The following DAD1 variants were observed in gnomAD, a reference collection of about 807,000 sequenced individuals.
The protein encoded by DAD1 is defender against cell death 1.
In DAD1, 4 loss-of-function variants were observed where a neutral mutation model predicts 9.0. The observed-to-expected ratio is 0.44, with a 90% CI of 0.22 to 1.01. The LOEUF (loss-of-function observed/expected upper bound fraction) is 1.01. Ranked by LOEUF, DAD1 falls within the 50% of genes least tolerant of loss-of-function variation. The pLI is 0.24. For missense variants in DAD1, 119 were observed against 137.3 expected (o/e 0.87, Z 0.67); for synonymous variants, 60 against 62.5 (o/e 0.96, Z 0.19).
chr14:22,570,726 C>T (rs1313167747), intron 2 of DAD1, among the ~76,000 whole-genome samples: 1 of 152,202 alleles, frequency 6.6e-6, no homozygotes, highest in Non-Finnish European at 1.5e-5. Flanking sequence ...CCTGTAGCCC[C>T]CTTGTTCCAG....
intron 2 of DAD1, 49 bp downstream of exon 2, chr14:22,575,010 C>A: frequency 2.0e-6 from 3 of 1,495,006 alleles, no homozygotes; most frequent in South Asian, 1.3e-5. Context: ...CATCCAATTT[C>A]TCTTCCTAAA....
intron 2 of DAD1, among the ~76,000 whole-genome samples, chr14:22,570,177 T>C (rs1232152077): frequency 1.3e-5 from 2 of 148,898 alleles, no homozygotes; most frequent in African/African-American, 5.2e-5. Flanking sequence ...AACAAAAAAT[T>C]AAAGATTATT....
chr14:22,576,308 C>T (rs765499486), intron 1 of DAD1, among the ~76,000 whole-genome samples: 1 of 151,716 alleles, frequency 6.6e-6, no homozygotes, highest in Non-Finnish European at 1.5e-5. Flanking sequence ...CAAAAACCCT[C>T]GTATACAAAA....
At position 22,588,959 on chromosome 14, in the gene DAD1, A is replaced by C; in HGVS notation, c.199T>G (p.Phe67Val). Residue 67 changes from phenylalanine to valine, a missense_variant, in exon 1 of 3, where the codon TTC becomes GTC. Transcript: ENST00000250498. ...ATAGAACCATTACCCGCTAGGATGA[A>C]ACTCCCCACACAAGAGATGAAGCCC... ...LSGFISCVGS[F>V]ILAVCLRIQI... 6.2e-7 allele frequency: 1 copy of C among 1,614,156 alleles called. No homozygotes were observed. The highest frequency in any genetic ancestry group is 8.5e-7 in the Non-Finnish European group (1 of 1,180,014).
intron 2 of DAD1, among the ~76,000 whole-genome samples, chr14:22,571,625 C>CTTTTTTTT (rs869205395): frequency 9.1e-6 from 1 of 109,828 alleles, no homozygotes. Context: ...GCAAGGGGCT[C>CTTTTTTTT]TTTTTTTTTT....
At chr14:22,575,637 T>C (rs2037071514) in intron 1 of DAD1, among the ~76,000 whole-genome samples, 1 of 152,186 alleles carries the variant, frequency 6.6e-6, no homozygotes, top group Non-Finnish European at 1.5e-5. Flanking sequence ...AATCTCCACC[T>C]GCTGGGTTCA....
intron 1 of DAD1, among the ~76,000 whole-genome samples, chr14:22,577,471 A>C (rs1190115475): frequency 6.6e-6 from 1 of 152,186 alleles, no homozygotes; most frequent in Non-Finnish European, 1.5e-5. Context: ...CCAGGCTCTC[A>C]AGCAATATTT....
At position 22,584,459 on chromosome 14, in the gene DAD1, T is replaced by C. The variant is rs75290800; in HGVS notation, c.211+4488A>G. On this transcript the variant is annotated intron_variant, in intron 1 of 2. Transcript: ENST00000250498. ...AGCCAGGCATAGTGCTGTGTGCCTATAGTCCTAGCTACTCAGGAGGCTGAG... is the reference window on the plus strand; with the variant it reads ...AGCCAGGCATAGTGCTGTGTGCCTACAGTCCTAGCTACTCAGGAGGCTGAG... 1.8e-3 allele frequency among the ~76,000 whole-genome samples: 272 copies of C among 152,182 alleles called. 3 individuals carry two copies. Among genetic ancestry groups the C allele is most frequent in the African/African-American group, 6.4e-3 (267 of 41,494 alleles).
chr14:22,575,241 A>C lies in DAD1; in HGVS notation c.212-8T>G, dbSNP rs754398599. 1 of 1,613,456 alleles carries C rather than the reference A, an allele frequency of 6.2e-7. No individual in the cohort carries two copies. The highest frequency in any genetic ancestry group is 8.5e-7 in the Non-Finnish European group (1 of 1,179,788). On this transcript the variant is annotated splice_polypyrimidine_tract_variant and splice_region_variant and intron_variant, in intron 1 of 2. Transcript: ENST00000250498. ...TCTGTATTCTCAGGCAAACTGCACA[A>C]GAAGCAAAACACAAAAAAATGATTA...
chr14:22,582,396 T>C (rs7147865), intron 1 of DAD1, among the ~76,000 whole-genome samples: 13,044 of 138,028 alleles, frequency 0.095, 1,082 homozygotes, highest in African/African-American at 0.23. Flanking sequence ...TTGTGGCGGG[T>C]GCCTGTAGTC....
chr14:22,584,507 G>GT (rs2037139380), intron 1 of DAD1, among the ~76,000 whole-genome samples: 2 of 151,962 alleles, frequency 1.3e-5, no homozygotes, highest in Non-Finnish European at 1.5e-5. Context: ...GAGCCAAGGA[G>GT]TTTGAGGCCA....
chr14:22,573,618 G>A (rs905939239), intron 2 of DAD1, among the ~76,000 whole-genome samples: 10 of 149,158 alleles, frequency 6.7e-5, no homozygotes, highest in African/African-American at 2.2e-4. Context: ...GCTGAGGCAG[G>A]AGAATGGCAT....
intron 2 of DAD1, among the ~76,000 whole-genome samples, chr14:22,569,542 C>T (rs1158113225): frequency 6.6e-6 from 1 of 152,048 alleles, no homozygotes; most frequent in African/African-American, 2.4e-5. Flanking sequence ...TGAATAGTTT[C>T]ATAACAATGT....
In DAD1 at chr14:22,579,192, C is replaced by T. The variant is rs1297203119; in HGVS notation, c.212-3959G>A. On this transcript the variant is annotated intron_variant, in intron 1 of 2. Coordinates refer to ENST00000250498, the MANE Select transcript of DAD1 (RefSeq NM_001344.4). ...AACTCTCCACTGCCACACTCCATCC[C>T]CTTGAAGATTCTAACAGTCACCATT... Among the ~76,000 whole-genome samples, 3 of 150,564 alleles carry T rather than the reference C, an allele frequency of 2.0e-5. No individual in the cohort carries two copies. The East Asian group carries it at 5.8e-4, about 29-fold the overall frequency.
intron 1 of DAD1, among the ~76,000 whole-genome samples, chr14:22,582,996 A>G (rs1322250184): frequency 7.9e-6 from 1 of 126,702 alleles, no homozygotes; most frequent in East Asian, 2.1e-4. Flanking sequence ...ACAGAGTGAG[A>G]CTATGTCTCA....
At chr14:22,587,958 ACTC>A (rs972886152) in intron 1 of DAD1, among the ~76,000 whole-genome samples, 8 of 151,830 alleles carry the variant, frequency 5.3e-5, no homozygotes, top group African/African-American at 1.9e-4. Context: ...CTGGTCTTGA[ACTC>A]CTGACCTCAA....
chr14:22,585,479 A>G (rs545958824), intron 1 of DAD1, among the ~76,000 whole-genome samples: 2 of 152,336 alleles, frequency 1.3e-5, no homozygotes, highest in South Asian at 4.1e-4. Context: ...TACAAGATAA[A>G]CAGTCAGCTA....
At chr14:22,580,746 T>C (rs934835283) in intron 1 of DAD1, among the ~76,000 whole-genome samples, 2 of 152,146 alleles carry the variant, frequency 1.3e-5, no homozygotes, top group African/African-American at 4.8e-5. Context: ...ATTTGATGTA[T>C]ACAATGCCCA....
chr14:22,572,005 C>T (rs1369754157), intron 2 of DAD1, among the ~76,000 whole-genome samples: 2 of 152,114 alleles, frequency 1.3e-5, no homozygotes, highest in East Asian at 1.9e-4. Flanking sequence ...TGAAATTATT[C>T]TGAAAATAAA....
Sources: allele counts gnomAD v4.1 joint callset (sites outside exome capture counted in the v4.1 genomes callset), GRCh38; gene constraint gnomAD v4.1.1; transcripts MANE v1.5; gene names NCBI Gene and HGNC (gene_info 2026-07-23, HGNC 2026-07-21).